Variants in EPHA6 observed in about 807,000 individuals in gnomAD.
EPHA6 encodes the protein ephrin type-A receptor 6.
Under a neutral mutation model 112.0 loss-of-function variants are expected in EPHA6, and 50 were observed. That is an observed-to-expected ratio of 0.45 (90% CI 0.36 to 0.56). EPHA6 has a LOEUF of 0.56. Ranked by LOEUF, EPHA6 falls within the 20% of genes least tolerant of loss-of-function variation. EPHA6 has a pLI of 0.00. For synonymous variants in EPHA6, 529 were observed against 490.7 expected (o/e 1.08, Z -1.03); for missense variants, 1,280 against 1,417.4 (o/e 0.90, Z 1.56).
At chr3:97,745,932 A>T (rs980946082) in intron 16 of EPHA6, among the ~76,000 whole-genome samples, 1 of 151,844 alleles carries the variant, frequency 6.6e-6, no homozygotes, top group Non-Finnish European at 1.5e-5. Context: ...GTTATATAGC[A>T]TGTATATGCC....
chr3:97,532,439 G>C lies in EPHA6; in HGVS notation c.2282G>C (p.Gly761Ala), dbSNP rs921612508. The C allele has an allele frequency of 6.2e-7, 1 of 1,612,584 alleles. No homozygotes were observed. Among genetic ancestry groups the C allele is most frequent in the Non-Finnish European group, 8.5e-7 (1 of 1,178,966 alleles). The change falls in exon 11 of 18, where the codon GGT (glycine) becomes GCT (alanine). Residue 761 changes from glycine (G) to alanine (A), a missense_variant. Gly to Ala is a moderately conservative substitution (Grantham distance 60). Coordinates refer to ENST00000389672, the MANE Select transcript of EPHA6 (RefSeq NM_001080448.3). ...CCAGTTGCCATTAAAACTTTGAAAG[G>C]TGGCCACATGGATCGGCAAAGAAGA... ...EIPVAIKTLK[G>A]GHMDRQRRDF...
chr3:96,866,791 A>G, intron 1 of EPHA6, 34 bp from the exon 2 acceptor site: 1 of 1,275,766 alleles, frequency 7.8e-7, no homozygotes, highest in Non-Finnish European at 1.1e-6. Context: ...TAGTTGAGAA[A>G]TTCATGGAAT....
intron 1 of EPHA6, among the ~76,000 whole-genome samples, chr3:96,829,919 A>G (rs4473569): frequency 4.0e-5 from 6 of 150,082 alleles, no homozygotes; most frequent in African/African-American, 1.5e-4. Context: ...TACTGTCTGT[A>G]TACACATGCA....
chr3:96,868,193 A>AGTGTGTGT (rs35241894), intron 2 of EPHA6, among the ~76,000 whole-genome samples: 16 of 147,990 alleles, frequency 1.1e-4, no homozygotes, highest in Admixed American at 2.7e-4. Context: ...AGAGAGACAG[A>AGTGTGTGT]GTGTGTGTGT....
At chr3:97,587,838 T>A (rs1560165462) in intron 11 of EPHA6, among the ~76,000 whole-genome samples, 1 of 152,176 alleles carries the variant, frequency 6.6e-6, no homozygotes, top group Non-Finnish European at 1.5e-5. Context: ...AGAAACAACA[T>A]GGTCTTCTAG....
chr3:97,344,351 C>T (rs1229616893), intron 5 of EPHA6, among the ~76,000 whole-genome samples: 1 of 152,062 alleles, frequency 6.6e-6, no homozygotes, highest in Non-Finnish European at 1.5e-5. Context: ...AAAATTGAAG[C>T]CTAATCCCTA....
At chr3:97,066,637 C>A (rs1048512967) in intron 3 of EPHA6, among the ~76,000 whole-genome samples, 1 of 152,136 alleles carries the variant, frequency 6.6e-6, no homozygotes, top group African/African-American at 2.4e-5. Context: ...TGGCTACTAC[C>A]TTTTCCAGTA....
chr3:97,633,302 A>G (rs1469108431), intron 13 of EPHA6, among the ~76,000 whole-genome samples: 1 of 152,012 alleles, frequency 6.6e-6, no homozygotes, highest in African/African-American at 2.4e-5. Context: ...AAAAAGAGGG[A>G]TGAAGACAAA....
chr3:96,990,977 T>C (rs1368732379), intron 3 of EPHA6, among the ~76,000 whole-genome samples: 2 of 150,868 alleles, frequency 1.3e-5, no homozygotes, highest in African/African-American at 5.0e-5. Flanking sequence ...GTGTAAACAA[T>C]TAATTAATCT....
chr3:97,214,699 A>G (rs1392639345), intron 3 of EPHA6, among the ~76,000 whole-genome samples: 1 of 152,110 alleles, frequency 6.6e-6, no homozygotes, highest in Non-Finnish European at 1.5e-5. Flanking sequence ...AAATGAGGAT[A>G]TGTTTGTAAT....
At chr3:97,716,195 G>A (rs76843234) in intron 14 of EPHA6, among the ~76,000 whole-genome samples, 1 of 152,110 alleles carries the variant, frequency 6.6e-6, no homozygotes, top group Non-Finnish European at 1.5e-5. Flanking sequence ...CTCTGTATAT[G>A]ATTCAAGATC....
intron 3 of EPHA6, among the ~76,000 whole-genome samples, chr3:97,121,719 A>T (rs1181034452): frequency 6.6e-6 from 1 of 152,046 alleles, no homozygotes; most frequent in East Asian, 1.9e-4. Flanking sequence ...TACTGAAAGG[A>T]GTATGCTAGT....
chr3:97,683,494 G>A (rs1188224341), intron 14 of EPHA6, among the ~76,000 whole-genome samples: 2 of 152,092 alleles, frequency 1.3e-5, no homozygotes, highest in African/African-American at 4.8e-5. Flanking sequence ...GTATTCAATT[G>A]CTTTTCATAT....
intron 1 of EPHA6, among the ~76,000 whole-genome samples, chr3:96,859,886 A>G (rs560373743): frequency 1.1e-4 from 17 of 152,246 alleles, no homozygotes; most frequent in Admixed American, 1.1e-3. Context: ...ACAGTCTACT[A>G]AATAGCTGCA....
chr3:96,977,411 G>A (rs1273021452), intron 2 of EPHA6, among the ~76,000 whole-genome samples: 7 of 152,040 alleles, frequency 4.6e-5, no homozygotes, highest in Admixed American at 4.6e-4. Flanking sequence ...ATTACTTAAT[G>A]GTGCAATGTA....
intron 3 of EPHA6, among the ~76,000 whole-genome samples, chr3:97,171,082 A>C (rs1472158753): frequency 1.3e-5 from 2 of 152,228 alleles, no homozygotes; most frequent in Non-Finnish European, 2.9e-5. Context: ...CTAACCAGGA[A>C]AAAATTGTCT....
intron 3 of EPHA6, chr3:97,010,266 G>T: frequency 2.5e-6 from 1 of 402,130 alleles, no homozygotes; most frequent in Non-Finnish European, 4.3e-6. Flanking sequence ...GCAGAAATTG[G>T]CAGACCATAG....
intron 2 of EPHA6, among the ~76,000 whole-genome samples, chr3:96,983,555 A>T (rs2042898485): frequency 6.6e-6 from 1 of 152,120 alleles, no homozygotes. Context: ...CTCGAGGAAT[A>T]TCTTTGTGGC....
At chr3:97,266,741 A>T (rs2079698488) in intron 5 of EPHA6, among the ~76,000 whole-genome samples, 2 of 152,160 alleles carry the variant, frequency 1.3e-5, no homozygotes, top group South Asian at 4.1e-4. Context: ...CCTTGTCTTG[A>T]TGAACTGCAT....
Sources: allele counts gnomAD v4.1 joint callset (sites outside exome capture counted in the v4.1 genomes callset), GRCh38; gene constraint gnomAD v4.1.1; transcripts MANE v1.5; gene names NCBI Gene and HGNC (gene_info 2026-07-23, HGNC 2026-07-21).